The following P2RX4 variants were observed in gnomAD, a reference collection of about 807,000 sequenced individuals.
The protein encoded by P2RX4 is purinergic receptor P2X 4.
In P2RX4, 37 loss-of-function variants were observed where a neutral mutation model predicts 48.0. The observed-to-expected ratio is 0.77, with a 90% CI of 0.59 to 1.01. The LOEUF is 1.01. Among genes scored for constraint, P2RX4 ranks in the 50% least tolerant of loss-of-function variants. The pLI is 0.00. For synonymous variants in P2RX4, 200 were observed against 199.7 expected (o/e 1.00, Z -0.01); for missense variants, 501 against 521.4 (o/e 0.96, Z 0.38).
rs1887194463 is a variant in P2RX4 at position 121,229,233 on chromosome 12, C to T, written c.884+134C>T. 20 of 1,116,466 alleles carry T rather than the reference C, an allele frequency of 1.8e-5. No homozygotes were observed. Among genetic ancestry groups the T allele is most frequent in the Middle Eastern group, 2.8e-4 (1 of 3,570 alleles). 69.2% of individuals were successfully genotyped at this position (1,116,466 alleles called of 1,614,324 possible). A position where few individuals can be genotyped will look rare whatever the true frequency, so the allele number is the denominator to read the frequency against. On this transcript the variant is annotated intron_variant, in intron 8 of 11. Coordinates refer to ENST00000337233, the MANE Select transcript of P2RX4 (RefSeq NM_002560.3). The surrounding 1 kb of genome is among the most constrained non-coding windows in gnomAD (Gnocchi z 4.6). ...CAGGCTGCCGGTCCCCCGTCCAAGG[C>T]GGCGGGAAGGCCATGCTGGGAAAAT...
Position 121,228,794 on chromosome 12 carries a change from C to T in P2RX4, c.675C>T (p.Pro225=), listed in dbSNP as rs749838226. ...GCATTTATGATGCTAAAACAGATCC[C>T]TTCTGCCCCATATTCCGTCTTGGCA... is the stretch of plus-strand genomic sequence containing the variant. ...KSCIYDAKTD[P]FCPIFRLGKI... Residue 225 remains proline, a synonymous_variant, in exon 7 of 12, where the codon CCC becomes CCT. Transcript: ENST00000337233. The T allele has an allele frequency of 6.8e-6, 11 of 1,614,064 alleles. No homozygotes were observed. In the African/African-American group the frequency reaches 1.3e-4, roughly 20 times the overall value.
At chr12:121,212,824 A>ATATATATTTTTTTTTTT (rs370835501) in intron 1 of P2RX4, 1 of 32,256 alleles carries the variant, frequency 3.1e-5, no homozygotes, top group Non-Finnish European at 4.8e-5. Context: ...ATATATATAT[A>ATATATATTTTTTTTTTT]TTTTTTTTTT....
At chr12:121,212,645 C>A (rs1885936549) in intron 1 of P2RX4, among the ~76,000 whole-genome samples, 1 of 149,834 alleles carries the variant, frequency 6.7e-6, no homozygotes, top group Non-Finnish European at 1.5e-5. Context: ...AAAAATTAGC[C>A]AGGCCTAGTG....
intron 8 of P2RX4, among the ~76,000 whole-genome samples, chr12:121,231,723 G>T (rs1887372433): frequency 6.6e-6 from 1 of 152,000 alleles, no homozygotes; most frequent in Non-Finnish European, 1.5e-5. Context: ...TGTTGTTGTT[G>T]TTGTTGAAGA....
chr12:121,224,050 G>A (rs563880395), intron 5 of P2RX4, among the ~76,000 whole-genome samples: 1 of 152,252 alleles, frequency 6.6e-6, no homozygotes, highest in East Asian at 1.9e-4. Context: ...GGAGATTCTA[G>A]ACCTGTCCAT....
In P2RX4 at chr12:121,223,120, T is replaced by C. The variant is rs570394562; in HGVS notation, c.524+77T>C. ...ACACAGTTTCACTCTGTATCCCAGG[T>C]TGGAGTGCAGTGGTGCGATCTTGGC... is the stretch of plus-strand genomic sequence containing the variant. On this transcript the variant is annotated intron_variant, in intron 5 of 11. Transcript: ENST00000337233. 1.1e-5 allele frequency: 10 copies of C among 933,298 alleles called. No individual in the cohort carries two copies. In the African/African-American group the frequency reaches 1.3e-4, roughly 12 times the overall value. 57.8% of individuals were successfully genotyped at this position (933,298 alleles called of 1,614,324 possible).
Position 121,217,220 on chromosome 12 carries a change from C to T in P2RX4, c.221C>T (p.Thr74Ile). The T allele has an allele frequency of 6.2e-7, 1 of 1,614,218 alleles. No homozygotes were observed. Among genetic ancestry groups the T allele is most frequent in the Non-Finnish European group, 8.5e-7 (1 of 1,180,034 alleles). The change falls in exon 2 of 12, where the codon ACC (threonine) becomes ATC (isoleucine). Residue 74 changes from threonine (T) to isoleucine (I), a missense_variant. Physicochemically the swap from Thr to Ile is moderately conservative, Grantham distance 89 (BLOSUM62 -1). Around this residue, in one of 3 missense-constraint regions of P2RX4, gnomAD observed 295 missense variants for 275.3 expected, o/e 1.07. Coordinates refer to ENST00000337233, the MANE Select transcript of P2RX4 (RefSeq NM_002560.3). ...ACCAAGGTCAAGGGCGTGGCTGTGA[C>T]CAACACTTCTAAACTTGGATTCCGG... is the stretch of plus-strand genomic sequence containing the variant. Reference protein sequence around the residue: ...VTTKVKGVAVTNTSKLGFRIW... With the variant: ...VTTKVKGVAVINTSKLGFRIW...
In P2RX4 at chr12:121,232,895, C is replaced by G. The variant is rs1156547578; in HGVS notation, c.1045-102C>G. 9 of 944,350 alleles carry G rather than the reference C, an allele frequency of 9.5e-6. No homozygotes were observed. The Admixed American group carries it at 1.5e-4, about 16-fold the overall frequency. The allele number at this position is 944,350 out of a possible 1,614,324, so 58.5% of individuals were successfully genotyped here. A position where few individuals can be genotyped will look rare whatever the true frequency, so the allele number is the denominator to read the frequency against. On this transcript the variant is annotated intron_variant, in intron 10 of 11. Transcript: ENST00000337233. This position sits in a 1 kb window ranked among gnomAD's most constrained non-coding sequence, Gnocchi z 4.3. ...CAAGAGATGGGAGTGCCTTTCCATTCCGGTAAAGATTCCAGGCTTCTCAGG... is the reference window on the plus strand; with the variant it reads ...CAAGAGATGGGAGTGCCTTTCCATTGCGGTAAAGATTCCAGGCTTCTCAGG...
chr12:121,232,240 C>T lies in P2RX4; in HGVS notation c.885-174C>T. The T allele has an allele frequency of 1.6e-6, 1 of 610,790 alleles. No homozygotes were observed. Among genetic ancestry groups the T allele is most frequent in the South Asian group, 1.9e-5 (1 of 51,476 alleles). The allele number at this position is 610,790 out of a possible 1,614,324, so 37.8% of individuals were successfully genotyped here. Reference sequence around the variant, plus strand: ...GTGCCCCTGTACCTCGTGGGCCCCGCATCCTCCTGCTTGCACAGCCCGCCT... The same window carrying T: ...GTGCCCCTGTACCTCGTGGGCCCCGTATCCTCCTGCTTGCACAGCCCGCCT... On this transcript the variant is annotated intron_variant, in intron 8 of 11. Transcript: ENST00000337233. The surrounding 1 kb of genome is among the most constrained non-coding windows in gnomAD (Gnocchi z 4.3).
Position 121,229,031 on chromosome 12 carries a change from C to G in P2RX4, c.816C>G (p.Pro272=), listed in dbSNP as rs1887178529. The G allele has an allele frequency of 6.2e-7, 1 of 1,614,108 alleles. No homozygotes were observed. The highest frequency in any genetic ancestry group is 8.5e-7 in the Non-Finnish European group (1 of 1,180,008). The change falls in exon 8 of 12, where the codon CCC becomes CCG. Residue 272 remains proline (P), a synonymous_variant. Coordinates refer to ENST00000337233, the MANE Select transcript of P2RX4 (RefSeq NM_002560.3). This position sits in a 1 kb window ranked among gnomAD's most constrained non-coding sequence, Gnocchi z 4.6. ...ACAGAGCCGCCTCCCTCTGCTTGCC[C>G]AGGTACTCCTTCCGCCGCCTCGATA... ...NLDRAASLCL[P]RYSFRRLDTR...
rs1268523637 is a variant in P2RX4 at position 121,212,820 on chromosome 12, A to ATTTTTT, written c.134+2523_134+2524insTTTTTT. On this transcript the variant is annotated intron_variant, in intron 1 of 11. Transcript: ENST00000337233. ...TATATATATATATATATATATATAT[A>ATTTTTT]TATATTTTTTTTTTTTTTTTGGAGA... 3.3e-3 allele frequency: 139 copies of ATTTTTT among 42,750 alleles called. 1 individual carries two copies. The highest frequency in any genetic ancestry group is 3.3e-3 in the Non-Finnish European group (86 of 25,838). The allele number at this position is 42,750 out of a possible 1,614,324, so 2.6% of individuals were successfully genotyped here.
intron 8 of P2RX4, among the ~76,000 whole-genome samples, chr12:121,230,062 G>C (rs1353229759): frequency 2.6e-5 from 4 of 152,138 alleles, no homozygotes; most frequent in African/African-American, 9.7e-5. Flanking sequence ...CTATAGCCAG[G>C]TAAATTTCCA....
chr12:121,221,237 G>A (rs940154422), intron 2 of P2RX4, among the ~76,000 whole-genome samples: 2 of 151,360 alleles, frequency 1.3e-5, no homozygotes, highest in African/African-American at 2.4e-5. Context: ...AGGCTAATCT[G>A]GAATTCTTGA....
intron 11 of P2RX4, 104 bp from the exon 12 acceptor site, chr12:121,233,416 GACC>G: frequency 8.1e-7 from 1 of 1,241,146 alleles, no homozygotes; most frequent in Non-Finnish European, 1.2e-6. Context: ...CCAGGCCTGG[GACC>G]AACTTGAGAA....
intron 2 of P2RX4, among the ~76,000 whole-genome samples, chr12:121,220,299 A>T (rs1255964972): frequency 1.3e-5 from 2 of 149,500 alleles, no homozygotes; most frequent in African/African-American, 4.9e-5. Flanking sequence ...CAGTTTGCAG[A>T]CCCCCCCCTT....
rs1178066693 is a variant in P2RX4 at position 121,228,367 on chromosome 12, CAAAAAA to C, written c.525-152_525-147del. Among the ~76,000 whole-genome samples, 274 of 81,028 alleles carry C rather than the reference CAAAAAA, an allele frequency of 3.4e-3. 5 individuals are homozygous for C. Among genetic ancestry groups the C allele is most frequent in the African/African-American group, 0.012 (265 of 21,450 alleles). 53.2% of individuals were successfully genotyped at this position (81,028 alleles called of 152,430 possible). A position where few individuals can be genotyped will look rare whatever the true frequency, so the allele number is the denominator to read the frequency against. On this transcript the variant is annotated intron_variant, in intron 5 of 11. Coordinates refer to ENST00000337233, the MANE Select transcript of P2RX4 (RefSeq NM_002560.3). ...TCGAGGTGACAGAGTGACTCCATCT[CAAAAAA>C]AAAAAAAAAAAAATATATATATATA...
intron 8 of P2RX4, among the ~76,000 whole-genome samples, chr12:121,231,247 C>G (rs896148485): frequency 6.6e-6 from 1 of 152,072 alleles, no homozygotes; most frequent in Non-Finnish European, 1.5e-5. Flanking sequence ...CCTCGGCCTC[C>G]CAAAGTGCCG....
chr12:121,222,565 A>C (rs1044381685), intron 4 of P2RX4: 20 of 457,452 alleles, frequency 4.4e-5, no homozygotes, highest in Non-Finnish European at 7.3e-5. Flanking sequence ...GGCATGCACC[A>C]CCACGCCCAG....
chr12:121,222,828 C>A, intron 4 of P2RX4, 119 bp from the exon 5 acceptor site: 1 of 1,477,980 alleles, frequency 6.8e-7, no homozygotes, highest in South Asian at 1.2e-5. Context: ...CCCAGATTTG[C>A]ACAGCTCAAG....
Sources: gnomAD v4.1 joint callset for allele counts (sites outside exome capture counted in the v4.1 genomes callset) on GRCh38, gnomAD v4.1.1 for gene constraint, gnomAD v4.1.1 regional missense constraint, Gnocchi (gnomAD v3.1) non-coding constraint, MANE v1.5 for transcripts, NCBI Gene and HGNC (gene_info 2026-07-23, HGNC 2026-07-21) for gene names.